Variants in CACNA1B observed in about 807,000 individuals in gnomAD.
CACNA1B encodes the protein voltage-dependent N-type calcium channel subunit alpha-1B.
A neutral mutation model predicts 247.2 loss-of-function variants in CACNA1B; 70 were observed. That is an observed-to-expected ratio of 0.28 (90% confidence interval 0.23 to 0.35). CACNA1B has a LOEUF of 0.35. Among genes scored for constraint, CACNA1B ranks in the 10% least tolerant of loss-of-function variants. The pLI is 1.00. For missense variants in CACNA1B, 2,367 were observed against 3,197.4 expected (o/e 0.74, Z 6.26); for synonymous variants, 1,231 against 1,294.4 (o/e 0.95, Z 1.05).
At position 138,102,638 on chromosome 9, in the gene CACNA1B, C is replaced by T. The variant is rs45485996; in HGVS notation, c.5223-73C>T. On this transcript the variant is annotated intron_variant, in intron 37 of 46. Coordinates refer to ENST00000371372, the MANE Select transcript of CACNA1B (RefSeq NM_000718.4). The surrounding 1 kb of genome is among the most constrained non-coding windows in gnomAD (Gnocchi z 5.4). ...CCTGCCCCTACCCCGCTCCCCTCCC[C>T]GCTCCCCTCCTGCTGCCGCTCCTCC... is the stretch of plus-strand genomic sequence containing the variant. 4.1e-5 allele frequency: 31 copies of T among 747,148 alleles called. No homozygotes were observed. The highest frequency in any genetic ancestry group is 2.3e-4 in the African/African-American group (13 of 57,134). The allele number at this position is 747,148 out of a possible 1,614,324, so 46.3% of individuals were successfully genotyped here.
intron 15 of CACNA1B, among the ~76,000 whole-genome samples, chr9:138,000,126 T>G (rs1489397173): frequency 1.4e-5 from 2 of 145,084 alleles, no homozygotes; most frequent in Admixed American, 7.0e-5. Context: ...TGAGATGGAG[T>G]CTCGCTCTGT....
chr9:138,007,592 C>G lies in CACNA1B; in HGVS notation c.2092+708C>G, dbSNP rs1958669143. Among the ~76,000 whole-genome samples, 1 of 152,176 alleles carries G rather than the reference C, an allele frequency of 6.6e-6. No individual in the cohort carries two copies. The highest frequency in any genetic ancestry group is 1.5e-5 in the Non-Finnish European group (1 of 68,026). ...GGTTCTCAAACTCATCTGGGCATCACAGTCCCCTGAGGGATGGTAAGCCTG... is the reference window on the plus strand; with the variant it reads ...GGTTCTCAAACTCATCTGGGCATCAGAGTCCCCTGAGGGATGGTAAGCCTG... On this transcript the variant is annotated intron_variant, in intron 16 of 46. Transcript: ENST00000371372. The surrounding 1 kb of genome is among the most constrained non-coding windows in gnomAD (Gnocchi z 4.1).
rs557209125 is a variant in CACNA1B, at chr9:137,973,260, A to T, written c.1543+1668A>T. The stretch of plus-strand genomic sequence containing the variant: ...AGTTCCTGGCTTCATTGTGTCACTG[A>T]GGGAAAAATGGCTGGAGGGAAATGT... On this transcript the variant is annotated intron_variant, in intron 11 of 46. Coordinates refer to ENST00000371372, the MANE Select transcript of CACNA1B (RefSeq NM_000718.4). The surrounding 1 kb of genome is among the most constrained non-coding windows in gnomAD (Gnocchi z 4.1). Among the ~76,000 whole-genome samples the T allele has an allele frequency of 6.6e-6, 1 of 152,092 alleles. No homozygotes were observed. The highest frequency in any genetic ancestry group is 2.4e-5 in the African/African-American group (1 of 41,480).
intron 6 of CACNA1B, among the ~76,000 whole-genome samples, chr9:137,947,871 T>G (rs1403192464): frequency 6.6e-6 from 1 of 152,114 alleles, no homozygotes; most frequent in African/African-American, 2.4e-5. Context: ...TCTTTGTCTT[T>G]AGTTTTCAGA....
intron 15 of CACNA1B, 35 bp from the exon 16 acceptor site, chr9:138,006,732 T>C (rs763563069): frequency 1.3e-5 from 17 of 1,281,872 alleles, no homozygotes; most frequent in Non-Finnish European, 1.8e-5. Flanking sequence ...AAGGCGGCCA[T>C]GGGGGCTTGC....
At chr9:137,933,477 G>A (rs1349920242) in intron 6 of CACNA1B, among the ~76,000 whole-genome samples, 1 of 152,214 alleles carries the variant, frequency 6.6e-6, no homozygotes, top group Non-Finnish European at 1.5e-5. Context: ...CTGAGGGGAT[G>A]CAACTCCAGA....
At chr9:138,008,127 A>T (rs576804340) in intron 16 of CACNA1B, among the ~76,000 whole-genome samples, 1 of 152,322 alleles carries the variant, frequency 6.6e-6, no homozygotes, top group South Asian at 2.1e-4. Flanking sequence ...CTGAGGGGGC[A>T]GTGTCTGCTT....
chr9:137,881,761 C>T lies in CACNA1B; in HGVS notation c.391-983C>T, dbSNP rs954332231. Among the ~76,000 whole-genome samples, 8 of 152,252 alleles carry T rather than the reference C, an allele frequency of 5.3e-5. No individual in the cohort carries two copies. The highest frequency in any genetic ancestry group is 1.2e-4 in the Non-Finnish European group (8 of 68,046). ...CACAGCCCCATCTCCACCCTGTTTG[C>T]TGCTTCCAGCTCGGCACTGGTAGGG... On this transcript the variant is annotated intron_variant, in intron 2 of 46. Coordinates refer to ENST00000371372, the MANE Select transcript of CACNA1B (RefSeq NM_000718.4). The surrounding 1 kb of genome is among the most constrained non-coding windows in gnomAD (Gnocchi z 4.3).
At chr9:137,889,138 A>C (rs1957059662) in intron 3 of CACNA1B, among the ~76,000 whole-genome samples, 1 of 150,200 alleles carries the variant, frequency 6.7e-6, no homozygotes, top group Admixed American at 6.6e-5. Flanking sequence ...CTGTGTCTGA[A>C]CACAGGTGAC....
At chr9:138,120,610 C>G (rs1962052988) in intron 45 of CACNA1B, 21 bp from the exon 46 acceptor site, 5 of 1,481,630 alleles carry the variant, frequency 3.4e-6, no homozygotes, top group South Asian at 1.4e-5. Flanking sequence ...GCCGTGCTAA[C>G]TTCTTCTCTT....
chr9:138,062,882 C>T (rs1375383747), intron 31 of CACNA1B, among the ~76,000 whole-genome samples: 1 of 152,234 alleles, frequency 6.6e-6, no homozygotes, highest in East Asian at 1.9e-4. Flanking sequence ...AGCAGTATTT[C>T]CTAAGTGGCC....
chr9:138,118,035 A>G lies in CACNA1B; in HGVS notation c.5867A>G (p.Glu1956Gly). The G allele has an allele frequency of 1.3e-6, 2 of 1,596,764 alleles. No homozygotes were observed. Among genetic ancestry groups the G allele is most frequent in the East Asian group, 2.3e-5 (1 of 44,212 alleles). Reference sequence around the variant, plus strand: ...CCCCATGAGGCCAGGCCACCCCTGGAGCGTGGCCACTCCACAGAGATCCCT... The same window carrying G: ...CCCCATGAGGCCAGGCCACCCCTGGGGCGTGGCCACTCCACAGAGATCCCT... Reference protein sequence around the residue: ...DAPHEARPPLERGHSTEIPVG... With the variant: ...DAPHEARPPLGRGHSTEIPVG... Residue 1956 changes from glutamate to glycine, a missense_variant, in exon 43 of 47, where the codon GAG becomes GGG. Around this residue, in one of 12 missense-constraint regions of CACNA1B, gnomAD observed 773 missense variants for 779.4 expected, o/e 0.99. Coordinates refer to ENST00000371372, the MANE Select transcript of CACNA1B (RefSeq NM_000718.4).
intron 15 of CACNA1B, among the ~76,000 whole-genome samples, chr9:137,995,694 A>G (rs1035699488): frequency 5.3e-5 from 8 of 152,258 alleles, no homozygotes; most frequent in African/African-American, 1.9e-4. Context: ...ACTTAATTAA[A>G]CTACAAAGCT....
At chr9:138,120,116 G>A (rs746452000) in intron 44 of CACNA1B, 49 bp from the exon 45 acceptor site, 33 of 1,480,404 alleles carry the variant, frequency 2.2e-5, no homozygotes, top group Middle Eastern at 2.3e-4. Context: ...CTGCATTCCC[G>A]CTGACCCTGG....
intron 21 of CACNA1B, among the ~76,000 whole-genome samples, chr9:138,046,387 G>A (rs961020645): frequency 6.6e-5 from 10 of 152,214 alleles, no homozygotes; most frequent in Non-Finnish European, 1.3e-4. Flanking sequence ...CACACACCCC[G>A]CACAGGCCCC....
intron 6 of CACNA1B, among the ~76,000 whole-genome samples, chr9:137,931,287 C>T (rs1957604695): frequency 6.6e-6 from 1 of 152,172 alleles, no homozygotes; most frequent in Non-Finnish European, 1.5e-5. Flanking sequence ...AGTTTAAATA[C>T]TCTCTAGAGG....
intron 20 of CACNA1B, among the ~76,000 whole-genome samples, chr9:138,035,643 C>A (rs1384434230): frequency 6.6e-6 from 1 of 152,056 alleles, no homozygotes; most frequent in Non-Finnish European, 1.5e-5. Flanking sequence ...GTTTTGTCCA[C>A]TTAAATGGTT....
At chr9:137,923,370 G>C (rs968230359) in intron 6 of CACNA1B, among the ~76,000 whole-genome samples, 2 of 148,296 alleles carry the variant, frequency 1.3e-5, no homozygotes, top group Non-Finnish European at 3.0e-5. Flanking sequence ...GCTCCAGGTG[G>C]TATTCCGTGG....
At chr9:137,996,756 A>G (rs1958505697) in intron 15 of CACNA1B, among the ~76,000 whole-genome samples, 1 of 152,192 alleles carries the variant, frequency 6.6e-6, no homozygotes, top group African/African-American at 2.4e-5. Context: ...AATTATTCCA[A>G]TTTTATACAG....
Sources: allele counts gnomAD v4.1 joint callset (sites outside exome capture counted in the v4.1 genomes callset), GRCh38; gene constraint gnomAD v4.1.1; regional missense constraint gnomAD v4.1.1; non-coding constraint Gnocchi (gnomAD v3.1); transcripts MANE v1.5; gene names NCBI Gene and HGNC (gene_info 2026-07-23, HGNC 2026-07-21).